The following ZBTB20 variants were observed in gnomAD, a reference collection of about 807,000 sequenced individuals.
ZBTB20 encodes zinc finger and BTB domain-containing protein 20.
Under a neutral mutation model 56.9 loss-of-function variants are expected in ZBTB20, and 9 were observed. The observed-to-expected ratio is 0.16, with a 90% confidence interval of 0.10 to 0.28. The LOEUF (loss-of-function observed/expected upper bound fraction) is 0.28, where lower values mean the gene tolerates loss of function less well. Among genes scored for constraint, ZBTB20 ranks in the 10% least tolerant of loss-of-function variants. The pLI, the probability that ZBTB20 is intolerant of heterozygous loss-of-function variation, is 1.00. For synonymous variants in ZBTB20, 417 were observed against 420.7 expected (o/e 0.99, Z 0.11); for missense variants, 655 against 1,003.0 (o/e 0.65, Z 4.69).
At chr3:115,126,419 G>A (rs1368871015) in intron 1 of ZBTB20, among the ~76,000 whole-genome samples, 2 of 152,022 alleles carry the variant, frequency 1.3e-5, no homozygotes, top group African/African-American at 2.4e-5. Flanking sequence ...GTTTATTCTA[G>A]CACCATTCAC....
chr3:114,584,662 G>A (rs2054990360), intron 6 of ZBTB20, among the ~76,000 whole-genome samples: 1 of 152,174 alleles, frequency 6.6e-6, no homozygotes, highest in Admixed American at 6.5e-5. Context: ...AGACAGTAAT[G>A]TGTGCAATTT....
At chr3:114,775,855 C>T (rs1262485902) in intron 5 of ZBTB20, among the ~76,000 whole-genome samples, 1 of 152,076 alleles carries the variant, frequency 6.6e-6, no homozygotes, top group East Asian at 1.9e-4. Context: ...AAAGGCAGAA[C>T]TGGGTCTGTT....
At chr3:114,608,461 A>C (rs1468896386) in intron 6 of ZBTB20, among the ~76,000 whole-genome samples, 2 of 152,160 alleles carry the variant, frequency 1.3e-5, no homozygotes, top group Non-Finnish European at 2.9e-5. Context: ...GATGATTCTT[A>C]GTTCAGGGAT....
chr3:114,404,746 T>C (rs1289697637), intron 7 of ZBTB20, among the ~76,000 whole-genome samples: 3 of 152,092 alleles, frequency 2.0e-5, no homozygotes, highest in African/African-American at 7.2e-5. Flanking sequence ...TACCCGGAGC[T>C]TATATCATAT....
chr3:114,347,059 A>T (rs2080244379), intron 11 of ZBTB20, among the ~76,000 whole-genome samples: 1 of 133,778 alleles, frequency 7.5e-6, no homozygotes, highest in Non-Finnish European at 1.6e-5. Context: ...TATGAATCTT[A>T]TAATTTATTC....
intron 4 of ZBTB20, among the ~76,000 whole-genome samples, chr3:114,871,553 C>A (rs1357492): frequency 1.3e-5 from 2 of 152,082 alleles, no homozygotes; most frequent in East Asian, 1.9e-4. Flanking sequence ...TTATTCTCAA[C>A]CTCTGGGATC....
chr3:114,532,099 T>G (rs1472550673), intron 6 of ZBTB20, among the ~76,000 whole-genome samples: 1 of 152,168 alleles, frequency 6.6e-6, no homozygotes, highest in Non-Finnish European at 1.5e-5. Flanking sequence ...GGAATTATTT[T>G]TCATACCCCA....
At chr3:115,131,551 T>G (rs2084506343) in intron 1 of ZBTB20, among the ~76,000 whole-genome samples, 1 of 152,292 alleles carries the variant, frequency 6.6e-6, no homozygotes. Flanking sequence ...ACCACTACAA[T>G]AAAGTTACAA....
At chr3:115,072,359 G>C (rs776926662) in intron 1 of ZBTB20, among the ~76,000 whole-genome samples, 3 of 152,126 alleles carry the variant, frequency 2.0e-5, no homozygotes, top group Non-Finnish European at 4.4e-5. Flanking sequence ...TGCTGGTTAA[G>C]ATCACAGACT....
intron 2 of ZBTB20, among the ~76,000 whole-genome samples, chr3:115,048,438 T>G (rs1162368936): frequency 2.0e-5 from 3 of 152,200 alleles, no homozygotes; most frequent in Admixed American, 6.5e-5. Flanking sequence ...TAATGTAGTT[T>G]AAATCCTATG....
Position 114,318,891 on chromosome 3 carries a change from C to T in ZBTB20, c.*20114G>A, listed in dbSNP as rs1438976827. 3 of 152,146 alleles carry T rather than the reference C, an allele frequency of 2.0e-5. No homozygotes were observed. The highest frequency in any genetic ancestry group is 6.6e-5 in the Admixed American group (1 of 15,266). 9.4% of individuals were successfully genotyped at this position (152,146 alleles called of 1,614,324 possible). On this transcript the variant is annotated 3_prime_UTR_variant, in exon 12 of 12. Coordinates refer to ENST00000675478, the MANE Select transcript of ZBTB20 (RefSeq NM_001348800.3). ...GTTGAAGACACAGGGTGGTAAAATG[C>T]TTCCACACTTAAACTCACAGTCCAG...
chr3:114,399,761 A>G (rs1402798421), intron 7 of ZBTB20, among the ~76,000 whole-genome samples: 1 of 152,068 alleles, frequency 6.6e-6, no homozygotes, highest in Non-Finnish European at 1.5e-5. Flanking sequence ...TTTTTGTAGT[A>G]AAAATAAATA....
intron 4 of ZBTB20, among the ~76,000 whole-genome samples, chr3:114,833,686 C>T (rs902394894): frequency 7.3e-6 from 1 of 136,882 alleles, no homozygotes; most frequent in East Asian, 2.3e-4. Flanking sequence ...CATACCACTA[C>T]ACCTAGCTAA....
intron 7 of ZBTB20, among the ~76,000 whole-genome samples, chr3:114,480,275 G>A (rs1694849708): frequency 6.6e-6 from 1 of 152,034 alleles, no homozygotes; most frequent in South Asian, 2.1e-4. Flanking sequence ...AGGAGAAAGT[G>A]TTTTTCAGCT....
chr3:114,758,096 G>A (rs2068140091), intron 5 of ZBTB20, among the ~76,000 whole-genome samples: 1 of 152,050 alleles, frequency 6.6e-6, no homozygotes, highest in African/African-American at 2.4e-5. Context: ...CGATGAAAGC[G>A]CATTTTCCAG....
intron 4 of ZBTB20, among the ~76,000 whole-genome samples, chr3:114,830,193 G>A (rs1188655452): frequency 6.6e-6 from 1 of 151,842 alleles, no homozygotes; most frequent in Admixed American, 6.6e-5. Flanking sequence ...AAGAGTGCAG[G>A]TGTACTCTTT....
At chr3:114,909,579 C>T (rs2075448063) in intron 3 of ZBTB20, among the ~76,000 whole-genome samples, 1 of 151,946 alleles carries the variant, frequency 6.6e-6, no homozygotes, top group Admixed American at 6.6e-5. Flanking sequence ...CTCAGAGCAA[C>T]TTCCAGTCTT....
intron 6 of ZBTB20, among the ~76,000 whole-genome samples, chr3:114,532,685 C>T (rs1478404869): frequency 1.3e-5 from 2 of 152,192 alleles, no homozygotes; most frequent in Non-Finnish European, 2.9e-5. Context: ...CCCCATGCCT[C>T]CTCACTGGGA....
intron 7 of ZBTB20, among the ~76,000 whole-genome samples, chr3:114,425,301 G>C (rs747039050): frequency 1.3e-5 from 2 of 152,142 alleles, no homozygotes; most frequent in African/African-American, 2.4e-5. Flanking sequence ...GAGATGACTG[G>C]ACAAGTCCCC....
Sources: gnomAD v4.1 joint callset for allele counts (sites outside exome capture counted in the v4.1 genomes callset) on GRCh38, gnomAD v4.1.1 for gene constraint, MANE v1.5 for transcripts, NCBI Gene and HGNC (gene_info 2026-07-23, HGNC 2026-07-21) for gene names.